SLC25A48: variants seen among roughly 807,000 people sequenced by gnomAD.
SLC25A48 encodes the protein solute carrier family 25 member 48.
SLC25A48 carries 29 observed loss-of-function variants against 32.2 expected under a neutral mutation model. That is an observed-to-expected ratio of 0.90 (90% CI 0.67 to 1.23). The LOEUF (loss-of-function observed/expected upper bound fraction) is 1.23, where lower values mean the gene tolerates loss of function less well. Among genes scored for constraint, SLC25A48 ranks in the 50% most tolerant of loss-of-function variants. The pLI is 0.00. For missense variants in SLC25A48, 399 were observed against 422.7 expected (o/e 0.94, Z 0.49); for synonymous variants, 164 against 172.3 (o/e 0.95, Z 0.38).
In SLC25A48 at chr5:135,852,820, C is replaced by T. The variant is rs777873378; in HGVS notation, c.420C>T (p.Asp140=). ...AGATGCAGACACAACCGTTTCGGGACGGTAAGAGGCCAGGGGAGCGGAGGC... is the reference window on the plus strand; with the variant it reads ...AGATGCAGACACAACCGTTTCGGGATGGTAAGAGGCCAGGGGAGCGGAGGC... ...RLQMQTQPFR[D]ANLGLKSRAV... The change falls in exon 4 of 8, where the codon GAC becomes GAT. Residue 140 remains aspartate, a splice_region_variant and synonymous_variant. Coordinates refer to ENST00000681962, the MANE Select transcript of SLC25A48 (RefSeq NM_001349336.2). 7.5e-6 allele frequency: 12 copies of T among 1,602,054 alleles called. No homozygotes were observed. The Admixed American group carries it at 8.4e-5, about 11-fold the overall frequency.
chr5:135,838,555 G>T (rs1314581896), intron 1 of SLC25A48, among the ~76,000 whole-genome samples: 1 of 152,194 alleles, frequency 6.6e-6, no homozygotes, highest in South Asian at 2.1e-4. Context: ...AGACTCAGAG[G>T]CCTAGGAGGA....
Position 135,787,549 on chromosome 5 carries a change from C to G in SLC25A48, c.-520-24974C>G, listed in dbSNP as rs533139778. 4.6e-5 allele frequency among the ~76,000 whole-genome samples: 7 copies of G among 152,020 alleles called. No homozygotes were observed. The South Asian group carries it at 1.5e-3, about 32-fold the overall frequency. ...GTTATATTCTTGGGTGATGTTACTC[C>G]TATTTTCACAGGAGGTGTACACCCT... On this transcript the variant is annotated intron_variant, in intron 3 of 10. Coordinates refer to the SLC25A48 transcript ENST00000646290.
At chr5:135,796,806 A>C (rs1255265831) in intron 3 of SLC25A48, among the ~76,000 whole-genome samples, 1 of 151,474 alleles carries the variant, frequency 6.6e-6, no homozygotes, top group Non-Finnish European at 1.5e-5. Context: ...GGATGATATT[A>C]CTCCTAATAT....
At chr5:135,713,659 TC>T (rs1754726136) in intron 3 of SLC25A48, among the ~76,000 whole-genome samples, 1 of 152,218 alleles carries the variant, frequency 6.6e-6, no homozygotes, top group South Asian at 2.1e-4. Flanking sequence ...TGAAGTTAGT[TC>T]TTAGGGTGAG....
chr5:135,800,896 C>T (rs768233531), intron 3 of SLC25A48, among the ~76,000 whole-genome samples: 13 of 150,446 alleles, frequency 8.6e-5, no homozygotes, highest in Non-Finnish European at 1.6e-4. Flanking sequence ...CTCCCCATAT[C>T]GCAGGGGCGT....
chr5:135,689,358 C>T (rs2126956748), intron 3 of SLC25A48, among the ~76,000 whole-genome samples: 1 of 152,270 alleles, frequency 6.6e-6, no homozygotes, highest in Admixed American at 6.5e-5. Context: ...CTTCTACAGC[C>T]CATGGTTTTG....
chr5:135,820,115 T>A (rs1271390235), intron 4 of SLC25A48, among the ~76,000 whole-genome samples: 1 of 152,158 alleles, frequency 6.6e-6, no homozygotes, highest in African/African-American at 2.4e-5. Context: ...CTCAAAGACT[T>A]GTACCTAACC....
chr5:135,729,973 G>A (rs1191950686), intron 3 of SLC25A48, among the ~76,000 whole-genome samples: 1 of 152,124 alleles, frequency 6.6e-6, no homozygotes, highest in African/African-American at 2.4e-5. Flanking sequence ...TCAGAGCAAT[G>A]GGCAACTTCA....
intron 3 of SLC25A48, among the ~76,000 whole-genome samples, chr5:135,714,409 C>G (rs1005137453): frequency 6.6e-6 from 1 of 152,190 alleles, no homozygotes; most frequent in Non-Finnish European, 1.5e-5. Context: ...CTGCCCTGTT[C>G]CACAGTCCTG....
intron 3 of SLC25A48, among the ~76,000 whole-genome samples, chr5:135,672,516 G>A (rs1007451080): frequency 3.3e-5 from 5 of 152,102 alleles, no homozygotes; most frequent in African/African-American, 7.2e-5. Flanking sequence ...TCTCGTCTCA[G>A]GTGTCCAGTC....
chr5:135,588,984 T>G (rs1751441807), intron 1 of SLC25A48, among the ~76,000 whole-genome samples: 1 of 152,174 alleles, frequency 6.6e-6, no homozygotes, highest in African/African-American at 2.4e-5. Context: ...GATACCATTC[T>G]GAAGACAGTA....
rs556812296 is a variant in SLC25A48, at chr5:135,828,407, G to A, written c.-116-14009G>A. 2.0e-5 allele frequency among the ~76,000 whole-genome samples: 3 copies of A among 152,314 alleles called. No individual in the cohort carries two copies. The South Asian group carries it at 6.2e-4, about 32-fold the overall frequency. On this transcript the variant is annotated intron_variant, in intron 4 of 10. Coordinates refer to the SLC25A48 transcript ENST00000646290. ...AGTGTGTTAAGTGCAGCTTGAGTGA[G>A]GTACAGTTATCACCCCCATCTTACA...
At chr5:135,719,742 G>C (rs751056018) in intron 3 of SLC25A48, among the ~76,000 whole-genome samples, 9 of 152,172 alleles carry the variant, frequency 5.9e-5, no homozygotes, top group Non-Finnish European at 1.0e-4. Flanking sequence ...CCTGAGGTGG[G>C]CTGAGAAGGG....
chr5:135,765,289 A>T (rs1037485112), intron 3 of SLC25A48, among the ~76,000 whole-genome samples: 3 of 149,678 alleles, frequency 2.0e-5, no homozygotes, highest in Non-Finnish European at 3.0e-5. Flanking sequence ...TGTGATATTC[A>T]GGGGTAAGAG....
intron 3 of SLC25A48, among the ~76,000 whole-genome samples, chr5:135,789,981 C>A (rs962460037): frequency 6.6e-6 from 1 of 151,882 alleles, no homozygotes; most frequent in African/African-American, 2.4e-5. Context: ...CAGTATAATA[C>A]TATGAACAAT....
chr5:135,616,101 G>A (rs1486737716), intron 1 of SLC25A48, among the ~76,000 whole-genome samples: 1 of 152,198 alleles, frequency 6.6e-6, no homozygotes, highest in African/African-American at 2.4e-5. Context: ...AAGCCTAAAT[G>A]TCCAGGCAGA....
chr5:135,857,462 C>T (rs1056529630), intron 4 of SLC25A48, among the ~76,000 whole-genome samples: 1 of 152,214 alleles, frequency 6.6e-6, no homozygotes, highest in Non-Finnish European at 1.5e-5. Flanking sequence ...GTACTGTCCA[C>T]CCATCACCTT....
intron 7 of SLC25A48, chr5:135,883,045 T>C: frequency 4.1e-6 from 4 of 985,434 alleles, no homozygotes; most frequent in Non-Finnish European, 2.4e-6. Flanking sequence ...GTTCTTGTCT[T>C]TCCTCCTTTT....
intron 1 of SLC25A48, among the ~76,000 whole-genome samples, chr5:135,619,267 CT>C (rs1366300656): frequency 1.3e-5 from 2 of 151,720 alleles, no homozygotes; most frequent in Non-Finnish European, 2.9e-5. Flanking sequence ...GAGTTTCTTT[CT>C]TCTGTTTGAT....
Sources: allele counts gnomAD v4.1 joint callset (sites outside exome capture counted in the v4.1 genomes callset), GRCh38; gene constraint gnomAD v4.1.1; transcripts MANE v1.5; gene names NCBI Gene and HGNC (gene_info 2026-07-23, HGNC 2026-07-21).